COL23A1: variants seen among roughly 807,000 people sequenced by gnomAD.
COL23A1 encodes the protein collagen type XXIII alpha 1 chain.
Under a neutral mutation model 99.3 loss-of-function variants are expected in COL23A1, and 97 were observed. The ratio of observed to expected loss-of-function variants is 0.98; its 90% CI spans 0.83 to 1.16. The LOEUF is 1.16. Ranked by LOEUF, COL23A1 falls within the 50% of genes most tolerant of loss-of-function variation. The probability of loss-of-function intolerance (pLI) is 0.00; values close to 1 mark genes in which losing one functional copy is unlikely to be tolerated. For missense variants in COL23A1, 762 were observed against 757.4 expected, an observed-to-expected ratio of 1.01 and a Z score of -0.07; for synonymous variants, 320 against 308.2, an observed-to-expected ratio of 1.04 and a Z score of -0.40.
At chr5:178,486,269 T>C (rs908562754) in intron 2 of COL23A1, among the ~76,000 whole-genome samples, 17 of 152,100 alleles carry the variant, frequency 1.1e-4, no homozygotes, top group Non-Finnish European at 2.1e-4. Flanking sequence ...TGTCAGTGGG[T>C]GACGTGTTCA....
chr5:178,420,354 CT>C (rs1482204717), intron 2 of COL23A1, among the ~76,000 whole-genome samples: 1 of 150,940 alleles, frequency 6.6e-6, no homozygotes, highest in East Asian at 2.0e-4. Context: ...CCCTCCTCCC[CT>C]GCCCCTCCTC....
intron 2 of COL23A1, among the ~76,000 whole-genome samples, chr5:178,390,200 T>C (rs2127750711): frequency 6.6e-6 from 1 of 152,302 alleles, no homozygotes; most frequent in East Asian, 1.9e-4. Context: ...GATGAATATA[T>C]CATTTACTAT....
intron 2 of COL23A1, among the ~76,000 whole-genome samples, chr5:178,493,417 G>A (rs184983719): frequency 7.9e-5 from 12 of 152,338 alleles, no homozygotes; most frequent in African/African-American, 2.2e-4. Flanking sequence ...CAAGGGTGCC[G>A]CTGGCAAGTA....
chr5:178,544,809 C>A lies in COL23A1; in HGVS notation c.361+15873G>T, dbSNP rs1442286047. Among the ~76,000 whole-genome samples, 1 of 152,160 alleles carries A rather than the reference C, an allele frequency of 6.6e-6. No individual in the cohort carries two copies. Among genetic ancestry groups the A allele is most frequent in the Non-Finnish European group, 1.5e-5 (1 of 68,024 alleles). On this transcript the variant is annotated intron_variant, in intron 2 of 28. Transcript: ENST00000390654. This position sits in a 1 kb window ranked among gnomAD's most constrained non-coding sequence, Gnocchi z 4.4. ...GACGTGGTGGCTCATAGCTGTAACC[C>A]CAGCACTTTGGGAGGCCAAAGCGGG...
intron 5 of COL23A1, among the ~76,000 whole-genome samples, chr5:178,287,051 T>C (rs1757196627): frequency 1.3e-5 from 2 of 152,352 alleles, no homozygotes. Flanking sequence ...GGGGCTGAAC[T>C]TTCCAGCGAA....
At chr5:178,338,228 T>G (rs1457186603) in intron 2 of COL23A1, among the ~76,000 whole-genome samples, 2 of 152,124 alleles carry the variant, frequency 1.3e-5, no homozygotes, top group Non-Finnish European at 2.9e-5. Flanking sequence ...GCTGGCACAG[T>G]CAGACAGACC....
intron 2 of COL23A1, among the ~76,000 whole-genome samples, chr5:178,380,727 G>GA (rs1763335271): frequency 6.6e-6 from 1 of 152,152 alleles, no homozygotes; most frequent in African/African-American, 2.4e-5. Flanking sequence ...GGAGGATCAC[G>GA]TCCGGGGCCA....
intron 8 of COL23A1, 136 bp downstream of exon 8, chr5:178,267,171 G>C: frequency 1.1e-6 from 1 of 936,614 alleles, no homozygotes; most frequent in South Asian, 1.4e-5. Context: ...CGGTGCTATG[G>C]GTGGGGAAGA....
At chr5:178,455,033 C>T (rs1229106338) in intron 2 of COL23A1, among the ~76,000 whole-genome samples, 1 of 152,238 alleles carries the variant, frequency 6.6e-6, no homozygotes, top group African/African-American at 2.4e-5. Context: ...TCCCCATGCA[C>T]GTGACGTGCA....
intron 2 of COL23A1, among the ~76,000 whole-genome samples, chr5:178,378,577 A>G (rs1763205370): frequency 6.6e-6 from 1 of 152,178 alleles, no homozygotes; most frequent in South Asian, 2.1e-4. Context: ...CCCAAGAGGG[A>G]GAAGGTGGCG....
chr5:178,584,830 C>T (rs1222463606), intron 1 of COL23A1, among the ~76,000 whole-genome samples: 21 of 152,140 alleles, frequency 1.4e-4, no homozygotes, highest in African/African-American at 4.8e-4. Flanking sequence ...CTTGGTCCTT[C>T]GGGGCTGGGG....
chr5:178,460,892 GA>G (rs1475781587), intron 2 of COL23A1, among the ~76,000 whole-genome samples: 1 of 152,190 alleles, frequency 6.6e-6, no homozygotes, highest in African/African-American at 2.4e-5. Flanking sequence ...AGACACCCAA[GA>G]TTGCCCCTTC....
chr5:178,488,641 T>C (rs750666375), intron 2 of COL23A1, among the ~76,000 whole-genome samples: 1 of 150,762 alleles, frequency 6.6e-6, no homozygotes, highest in Admixed American at 6.6e-5. Context: ...GACAAAACGG[T>C]GCGTGGAGTT....
chr5:178,435,791 C>T (rs1264935823), intron 2 of COL23A1, among the ~76,000 whole-genome samples: 1 of 152,178 alleles, frequency 6.6e-6, no homozygotes, highest in Non-Finnish European at 1.5e-5. Flanking sequence ...AGAGGGCACC[C>T]CCATCCCCCT....
intron 2 of COL23A1, among the ~76,000 whole-genome samples, chr5:178,315,175 T>C (rs1758911196): frequency 6.6e-6 from 1 of 152,056 alleles, no homozygotes; most frequent in South Asian, 2.1e-4. Flanking sequence ...GCTTTTCCAA[T>C]GGGATTAAGG....
chr5:178,366,343 G>A lies in COL23A1; in HGVS notation c.362-59424C>T, dbSNP rs927554843. ...GCGTCCTCCATCCTCTGGTGCACCA[G>A]GTTAGCTTGACTCCAGGTGCCCTGC... On this transcript the variant is annotated intron_variant, in intron 2 of 28. Transcript: ENST00000390654. This position sits in a 1 kb window ranked among gnomAD's most constrained non-coding sequence, Gnocchi z 4.4. 6.6e-6 allele frequency among the ~76,000 whole-genome samples: 1 copy of A among 152,226 alleles called. No homozygotes were observed. Among genetic ancestry groups the A allele is most frequent in the Admixed American group, 6.5e-5 (1 of 15,282 alleles).
chr5:178,525,083 T>TTTATCTAAAACAATCAGTGCAAAATGG (rs1562053919), intron 2 of COL23A1, among the ~76,000 whole-genome samples: 1 of 140,286 alleles, frequency 7.1e-6, no homozygotes, highest in African/African-American at 2.7e-5. Context: ...ACCCGAAGGC[T>TTTATCTAAAACAATCAGTGCAAAATGG]AAGCTCACAT....
intron 2 of COL23A1, among the ~76,000 whole-genome samples, chr5:178,448,031 A>G (rs371881775): frequency 5.3e-5 from 8 of 152,324 alleles, no homozygotes; most frequent in East Asian, 1.9e-4. Flanking sequence ...GTTACCCCCA[A>G]TGCGACAGTA....
chr5:178,473,262 G>A (rs1214483497), intron 2 of COL23A1, among the ~76,000 whole-genome samples: 1 of 152,046 alleles, frequency 6.6e-6, no homozygotes, highest in Non-Finnish European at 1.5e-5. Context: ...AAGTATGAGG[G>A]AGGATGTACT....
Sources: gnomAD v4.1 joint callset for allele counts (sites outside exome capture counted in the v4.1 genomes callset) on GRCh38, gnomAD v4.1.1 for gene constraint, Gnocchi (gnomAD v3.1) non-coding constraint, MANE v1.5 for transcripts, NCBI Gene and HGNC (gene_info 2026-07-23, HGNC 2026-07-21) for gene names.